EPHA6: variants seen among roughly 807,000 people sequenced by gnomAD.
The protein encoded by EPHA6 is EPH receptor A6, also known as ephrin type-A receptor 6.
EPHA6 carries 50 observed loss-of-function variants against 112.0 expected under a neutral mutation model. That is an observed-to-expected ratio of 0.45 (90% CI 0.36 to 0.56). EPHA6 has a LOEUF of 0.56. Ranked by LOEUF, EPHA6 falls within the 20% of genes least tolerant of loss-of-function variation. EPHA6 has a pLI of 0.00. For missense variants in EPHA6, 1,280 were observed against 1,417.4 expected (o/e 0.90, Z 1.56); for synonymous variants, 529 against 490.7 (o/e 1.08, Z -1.03).
chr3:97,138,260 C>T (rs748381650), intron 3 of EPHA6, among the ~76,000 whole-genome samples: 3 of 152,182 alleles, frequency 2.0e-5, no homozygotes, highest in Non-Finnish European at 4.4e-5. Flanking sequence ...TGAACTCACA[C>T]GGACCCCGCT....
At chr3:97,093,116 G>A (rs2047125203) in intron 3 of EPHA6, among the ~76,000 whole-genome samples, 1 of 152,084 alleles carries the variant, frequency 6.6e-6, no homozygotes, top group East Asian at 1.9e-4. Context: ...ATAGAAATGG[G>A]AGCTGAGAAA....
intron 3 of EPHA6, among the ~76,000 whole-genome samples, chr3:97,037,763 C>T (rs899094165): frequency 6.6e-6 from 1 of 151,958 alleles, no homozygotes. Context: ...AAGGCAGTGA[C>T]ATACAAGAGG....
intron 3 of EPHA6, among the ~76,000 whole-genome samples, chr3:97,028,260 T>G (rs1340902955): frequency 2.0e-5 from 3 of 152,124 alleles, no homozygotes; most frequent in African/African-American, 7.2e-5. Flanking sequence ...ATTTGTAGAA[T>G]TTAACCACTT....
Position 97,546,437 on chromosome 3 carries a change from G to A in EPHA6, c.2386+13894G>A, listed in dbSNP as rs185434378. 1.4e-4 allele frequency among the ~76,000 whole-genome samples: 21 copies of A among 152,316 alleles called. No individual in the cohort carries two copies. The East Asian group carries it at 3.9e-3, about 28-fold the overall frequency. Reference sequence around the variant, plus strand: ...TAGAGTTTCTGCAGAGAGATCAGCTGTTAGTCTGATGGGCTTCCCTTTGAG... The same window carrying A: ...TAGAGTTTCTGCAGAGAGATCAGCTATTAGTCTGATGGGCTTCCCTTTGAG... On this transcript the variant is annotated intron_variant, in intron 11 of 17. Transcript: ENST00000389672.
intron 3 of EPHA6, among the ~76,000 whole-genome samples, chr3:97,063,569 G>T (rs1208359908): frequency 6.6e-6 from 1 of 152,144 alleles, no homozygotes; most frequent in African/African-American, 2.4e-5. Flanking sequence ...GGGAGGGAGA[G>T]AATCAGGAGA....
intron 10 of EPHA6, among the ~76,000 whole-genome samples, chr3:97,491,220 G>A (rs957559713): frequency 6.6e-6 from 1 of 152,192 alleles, no homozygotes; most frequent in Non-Finnish European, 1.5e-5. Context: ...AGGGATCATT[G>A]CAGGCCATCT....
chr3:97,527,601 G>A (rs2092639116), intron 10 of EPHA6, among the ~76,000 whole-genome samples: 1 of 152,212 alleles, frequency 6.6e-6, no homozygotes. Flanking sequence ...TGAGATTGAT[G>A]CATATTTATT....
At chr3:96,922,397 G>T (rs763167016) in intron 2 of EPHA6, among the ~76,000 whole-genome samples, 2 of 152,068 alleles carry the variant, frequency 1.3e-5, no homozygotes, top group Non-Finnish European at 2.9e-5. Flanking sequence ...AGGAAGAAAC[G>T]TTACCAAATG....
At chr3:97,331,358 C>T (rs918277473) in intron 5 of EPHA6, among the ~76,000 whole-genome samples, 12 of 152,074 alleles carry the variant, frequency 7.9e-5, no homozygotes, top group Admixed American at 3.3e-4. Flanking sequence ...CAAGAACAAA[C>T]ACATTCAAAA....
intron 11 of EPHA6, among the ~76,000 whole-genome samples, chr3:97,546,872 CT>C (rs1398983830): frequency 6.6e-6 from 1 of 152,220 alleles, no homozygotes; most frequent in African/African-American, 2.4e-5. Context: ...ACTGAAGCAT[CT>C]GCATTCGTCA....
intron 6 of EPHA6, among the ~76,000 whole-genome samples, chr3:97,421,283 C>T (rs966598226): frequency 7.2e-5 from 11 of 152,026 alleles, no homozygotes; most frequent in Admixed American, 3.9e-4. Flanking sequence ...AAATTTTTCC[C>T]GAATGTACAT....
chr3:97,077,699 C>T (rs961465883), intron 3 of EPHA6, among the ~76,000 whole-genome samples: 11 of 152,144 alleles, frequency 7.2e-5, no homozygotes, highest in Non-Finnish European at 1.0e-4. Context: ...CAGCTTCATC[C>T]ATGTCCCTGC....
At chr3:97,464,750 T>G (rs1398474147) in intron 7 of EPHA6, among the ~76,000 whole-genome samples, 4 of 152,076 alleles carry the variant, frequency 2.6e-5, no homozygotes, top group African/African-American at 7.2e-5. Flanking sequence ...AAAGTTATAT[T>G]GAACTGCGTA....
chr3:97,416,902 T>G (rs2088174710), intron 6 of EPHA6, among the ~76,000 whole-genome samples: 2 of 152,140 alleles, frequency 1.3e-5, no homozygotes, highest in African/African-American at 4.8e-5. Context: ...TTGAGTATTT[T>G]ATACCTCTCA....
At chr3:96,952,221 A>G (rs2041572746) in intron 2 of EPHA6, among the ~76,000 whole-genome samples, 1 of 152,228 alleles carries the variant, frequency 6.6e-6, no homozygotes, top group Non-Finnish European at 1.5e-5. Flanking sequence ...ACTGCCTAGT[A>G]CAGTGCCTAG....
At position 96,888,286 on chromosome 3, in the gene EPHA6, G is replaced by A. The variant is rs116622197; in HGVS notation, c.450+21397G>A. 5.6e-3 allele frequency among the ~76,000 whole-genome samples: 849 copies of A among 151,020 alleles called. 14 individuals carry two copies. Among genetic ancestry groups the A allele is most frequent in the African/African-American group, 0.019 (795 of 41,428 alleles). ...ACTGCTTCCCCTACCACTGTATTTC[G>A]CTCGGCTCTCCAAATTGACTCAGCT... On this transcript the variant is annotated intron_variant, in intron 2 of 17. Coordinates refer to ENST00000389672, the MANE Select transcript of EPHA6 (RefSeq NM_001080448.3).
chr3:96,831,767 C>A (rs2034096590), intron 1 of EPHA6, among the ~76,000 whole-genome samples: 1 of 151,938 alleles, frequency 6.6e-6, no homozygotes, highest in South Asian at 2.1e-4. Flanking sequence ...AGCTAGCTAA[C>A]ATAAACAGAA....
chr3:97,531,314 A>G (rs1182393491), intron 10 of EPHA6, among the ~76,000 whole-genome samples: 1 of 152,050 alleles, frequency 6.6e-6, no homozygotes, highest in Admixed American at 6.6e-5. Context: ...AATGCATTAC[A>G]TTGCACTGAG....
intron 4 of EPHA6, among the ~76,000 whole-genome samples, chr3:97,239,697 G>C (rs1382476757): frequency 6.6e-6 from 1 of 151,746 alleles, no homozygotes; most frequent in African/African-American, 2.4e-5. Context: ...AGAGAAAGAA[G>C]GGCTTGTTCT....
Sources: gnomAD v4.1 joint callset for allele counts (sites outside exome capture counted in the v4.1 genomes callset) on GRCh38, gnomAD v4.1.1 for gene constraint, MANE v1.5 for transcripts, NCBI Gene and HGNC (gene_info 2026-07-23, HGNC 2026-07-21) for gene names.